The following TMIGD3 variants were observed in gnomAD, a reference collection of about 807,000 sequenced individuals.
The protein encoded by TMIGD3 is AD026 protein (AD026).
Under a neutral mutation model 28.1 loss-of-function variants are expected in TMIGD3, and 21 were observed. That is an observed-to-expected ratio of 0.75 (90% CI 0.53 to 1.08). The LOEUF (loss-of-function observed/expected upper bound fraction) is 1.08. TMIGD3 is among the 50% of genes least tolerant of loss of function. The pLI is 0.00. For synonymous variants in TMIGD3, 151 were observed against 162.1 expected (o/e 0.93, Z 0.52); for missense variants, 416 against 435.6 (o/e 0.96, Z 0.40).
rs1571443765 is a variant in TMIGD3 at position 111,534,307 on chromosome 1, T to A, written c.107+29539A>T. 2.0e-5 allele frequency among the ~76,000 whole-genome samples: 3 copies of A among 152,270 alleles called. No homozygotes were observed. In the South Asian group the frequency reaches 6.2e-4, roughly 32 times the overall value. ...TGGAGTTGTTTTTAAATCCAAGGTG[T>A]AAGAAACTGTAGTGTACATGACAGC... On this transcript the variant is annotated intron_variant, in intron 1 of 5. Coordinates refer to the TMIGD3 transcript ENST00000369717.
chr1:111,509,485 G>A (rs114445007), intron 1 of TMIGD3, among the ~76,000 whole-genome samples: 1,963 of 152,228 alleles, frequency 0.013, 30 homozygotes, highest in African/African-American at 0.045. Flanking sequence ...TTGGATCCCG[G>A]TGTTGATTCT....
intron 1 of TMIGD3, among the ~76,000 whole-genome samples, chr1:111,555,237 A>G (rs1022131454): frequency 2.0e-5 from 3 of 151,758 alleles, no homozygotes; most frequent in African/African-American, 7.3e-5. Flanking sequence ...GTGGTGGTGC[A>G]TTCCTGTAGT....
chr1:111,489,736 G>A, intron 2 of TMIGD3: 1 of 1,042,674 alleles, frequency 9.6e-7, no homozygotes. Context: ...ATGTTTGGAG[G>A]CTTCTGCTGG....
At chr1:111,541,419 A>G (rs1410289177) in intron 1 of TMIGD3, among the ~76,000 whole-genome samples, 2 of 152,220 alleles carry the variant, frequency 1.3e-5, no homozygotes, top group Non-Finnish European at 1.5e-5. Context: ...ATTCTGACTG[A>G]TACAGTGATG....
chr1:111,534,797 G>T (rs748364232), intron 1 of TMIGD3, among the ~76,000 whole-genome samples: 10 of 152,092 alleles, frequency 6.6e-5, no homozygotes, highest in Non-Finnish European at 1.2e-4. Context: ...GCATATGTGT[G>T]AGTGTGGACT....
At chr1:111,504,897 G>C (rs777030327), upstream of TMIGD3, 2 of 985,126 alleles carry the variant, frequency 2.0e-6, no homozygotes, top group Non-Finnish European at 2.4e-6. Flanking sequence ...ATTTCTCCCT[G>C]AGCAGACTCC....
intron 1 of TMIGD3, among the ~76,000 whole-genome samples, chr1:111,526,787 TGA>T (rs1424470603): frequency 6.6e-6 from 1 of 152,172 alleles, no homozygotes; most frequent in African/African-American, 2.4e-5. Flanking sequence ...AGAATCATAC[TGA>T]ATAGTTTCAC....
At chr1:111,490,993 C>A (rs1654632043) in intron 1 of TMIGD3, among the ~76,000 whole-genome samples, 1 of 152,250 alleles carries the variant, frequency 6.6e-6, no homozygotes, top group Non-Finnish European at 1.5e-5. Context: ...CTGGCCCACA[C>A]TCAGAAAAGC....
chr1:111,546,224 T>A (rs1657029612), intron 1 of TMIGD3, among the ~76,000 whole-genome samples: 1 of 152,192 alleles, frequency 6.6e-6, no homozygotes, highest in South Asian at 2.1e-4. Context: ...AGTACTGCCA[T>A]CATTTTTTCC....
intron 1 of TMIGD3, chr1:111,499,527 C>T (rs3393): frequency 0.54 from 537,649 of 1,001,364 alleles, 147,851 homozygotes; most frequent in Admixed American, 0.62. Context: ...CCCAACATCT[C>T]CTAGGCATCC....
chr1:111,557,154 C>A (rs1267752423), intron 1 of TMIGD3, among the ~76,000 whole-genome samples: 2 of 152,106 alleles, frequency 1.3e-5, no homozygotes, highest in Non-Finnish European at 2.9e-5. Context: ...AGACTGACAA[C>A]TGATTTTTCA....
intron 1 of TMIGD3, among the ~76,000 whole-genome samples, chr1:111,502,012 T>C (rs1050701078): frequency 4.2e-5 from 6 of 143,328 alleles, no homozygotes; most frequent in Non-Finnish European, 9.0e-5. Flanking sequence ...ATATAGGATA[T>C]ATATATTTAT....
At chr1:111,557,455 C>A (rs921759969) in intron 1 of TMIGD3, among the ~76,000 whole-genome samples, 1 of 151,796 alleles carries the variant, frequency 6.6e-6, no homozygotes, top group African/African-American at 2.4e-5. Flanking sequence ...GAGGCTGAAG[C>A]AGGAGAATCG....
At chr1:111,497,141 C>T (rs541045829) in intron 1 of TMIGD3, among the ~76,000 whole-genome samples, 5 of 152,228 alleles carry the variant, frequency 3.3e-5, no homozygotes, top group Admixed American at 1.3e-4. Flanking sequence ...GACGGAGTGT[C>T]GTTCTGTCGC....
chr1:111,548,241 A>G (rs961661304), intron 1 of TMIGD3, among the ~76,000 whole-genome samples: 1 of 152,130 alleles, frequency 6.6e-6, no homozygotes, highest in African/African-American at 2.4e-5. Flanking sequence ...GACTGGTCTC[A>G]AACTCCTGGC....
intron 1 of TMIGD3, among the ~76,000 whole-genome samples, chr1:111,534,577 C>T (rs1334325751): frequency 6.6e-6 from 1 of 152,192 alleles, no homozygotes; most frequent in African/African-American, 2.4e-5. Flanking sequence ...GGTTTTCTAG[C>T]AGGCCCTTTG....
upstream of TMIGD3, chr1:111,504,012 G>A: frequency 1.0e-6 from 1 of 985,300 alleles, no homozygotes; most frequent in East Asian, 1.1e-4. Flanking sequence ...GAACAAAAAA[G>A]AGACTTTGGT....
chr1:111,547,141 G>A (rs1172728166), intron 1 of TMIGD3, among the ~76,000 whole-genome samples: 1 of 152,116 alleles, frequency 6.6e-6, no homozygotes, highest in Admixed American at 6.5e-5. Flanking sequence ...TTGAATAGAA[G>A]TAGTGAGAAT....
intron 1 of TMIGD3, among the ~76,000 whole-genome samples, chr1:111,492,373 A>G (rs1048774701): frequency 2.6e-5 from 4 of 152,208 alleles, no homozygotes; most frequent in Non-Finnish European, 4.4e-5. Context: ...TTGTTGTTAT[A>G]TTTTTAAGAG....
Sources: gnomAD v4.1 joint callset for allele counts (sites outside exome capture counted in the v4.1 genomes callset) on GRCh38, gnomAD v4.1.1 for gene constraint, MANE v1.5 for transcripts, NCBI Gene and HGNC (gene_info 2026-07-23, HGNC 2026-07-21) for gene names.